The following CHD7 variants were observed in gnomAD, a reference collection of about 807,000 sequenced individuals.
The protein encoded by CHD7 is chromodomain helicase DNA binding protein 7.
In CHD7, 24 loss-of-function variants were observed where a neutral mutation model predicts 307.3. The observed-to-expected ratio is 0.08, with a 90% CI of 0.06 to 0.11. The LOEUF is 0.11. Ranked by LOEUF, CHD7 falls within the 10% of genes least tolerant of loss-of-function variation. CHD7 has a pLI of 1.00. For synonymous variants in CHD7, 1,363 were observed against 1,349.9 expected, an observed-to-expected ratio of 1.01 and a Z score of -0.21; for missense variants, 3,106 against 3,727.1, an observed-to-expected ratio of 0.83 and a Z score of 4.34.
chr8:60,801,158 A>G (rs1408022532), intron 5 of CHD7, among the ~76,000 whole-genome samples: 1 of 152,214 alleles, frequency 6.6e-6, no homozygotes, highest in Non-Finnish European at 1.5e-5. Context: ...AAAGATGCCT[A>G]CTATAGCAGA....
chr8:60,777,169 T>A (rs1810991966), intron 2 of CHD7, among the ~76,000 whole-genome samples: 1 of 152,244 alleles, frequency 6.6e-6, no homozygotes, highest in Admixed American at 6.5e-5. Context: ...GGTACCATCT[T>A]TTCTTTTCCT....
chr8:60,772,705 C>T (rs1197106766), intron 2 of CHD7, among the ~76,000 whole-genome samples: 1 of 152,044 alleles, frequency 6.6e-6, no homozygotes, highest in African/African-American at 2.4e-5. Flanking sequence ...AAGGTGAGCC[C>T]ACTAAGGGAA....
chr8:60,852,240 C>T lies in CHD7; in HGVS notation c.5887C>T (p.Arg1963Trp), dbSNP rs370280397. 6.2e-6 allele frequency: 10 copies of T among 1,611,678 alleles called. No individual in the cohort carries two copies. The highest frequency in any genetic ancestry group is 2.7e-5 in the African/African-American group (2 of 74,778). The change falls in exon 29 of 38, where the codon CGG becomes TGG. Residue 1963 changes from arginine (R) to tryptophan (W), a missense_variant. Arg to Trp is a moderately radical substitution (Grantham distance 101). Transcript: ENST00000423902. ...AAGGGAAGCTATTATATCTGAGAAGCGGCAAAAGTGAGTTTCTTCAAGGTT... is the reference window on the plus strand; with the variant it reads ...AAGGGAAGCTATTATATCTGAGAAGTGGCAAAAGTGAGTTTCTTCAAGGTT... The part of the protein sequence containing the change: ...AEREAIISEK[R>W]QKWTRREEAD...
chr8:60,762,138 A>G (rs1214412469), intron 2 of CHD7, among the ~76,000 whole-genome samples: 1 of 152,154 alleles, frequency 6.6e-6, no homozygotes, highest in East Asian at 1.9e-4. Context: ...CTGTCTGTGT[A>G]GGTCCTCTCA....
intron 1 of CHD7, among the ~76,000 whole-genome samples, chr8:60,726,250 C>T (rs966879703): frequency 6.6e-6 from 1 of 152,154 alleles, no homozygotes; most frequent in Non-Finnish European, 1.5e-5. Flanking sequence ...GACAGCTATA[C>T]TTAGCATATT....
Position 60,865,416 on chromosome 8 carries a change from A to G in CHD7, c.8477A>G (p.Asn2826Ser), listed in dbSNP as rs370129047. The G allele has an allele frequency of 4.6e-4, 747 of 1,613,910 alleles. 6 individuals are homozygous for G. The South Asian group carries it at 7.8e-3, about 17-fold the overall frequency. Residue 2826 changes from asparagine (N) to serine (S), a missense_variant, in exon 38 of 38, where the codon AAC (asparagine) becomes AGC (serine). By Grantham distance (46) the Asn-to-Ser change is conservative. This residue lies in a region of CHD7 where 351 missense variants were observed against 366.2 expected (regional missense o/e 0.96). Transcript: ENST00000423902. The surrounding 1 kb of genome is among the most constrained non-coding windows in gnomAD (Gnocchi z 4.3). Reference sequence around the variant, plus strand: ...AACCCTCTGTCAGCTGCTACTGGAAACACCACTACTGCTTCTAGTCAAGGA... The same window carrying G: ...AACCCTCTGTCAGCTGCTACTGGAAGCACCACTACTGCTTCTAGTCAAGGA... ...LNNPLSAATG[N>S]TTTASSQGEP...
chr8:60,849,274 G>A (rs1805349129), intron 25 of CHD7, 120 bp downstream of exon 25: 2 of 562,608 alleles, frequency 3.6e-6, no homozygotes, highest in Admixed American at 6.3e-5. Context: ...AGGACTCTTG[G>A]CGTCTACCAT....
intron 1 of CHD7, among the ~76,000 whole-genome samples, chr8:60,718,429 T>C (rs905055050): frequency 6.6e-6 from 1 of 151,730 alleles, no homozygotes; most frequent in Non-Finnish European, 1.5e-5. Context: ...GAGCCAAGAT[T>C]GTGCCATTGC....
Position 60,856,663 on chromosome 8 carries a change from T to C in CHD7, c.7383T>C (p.Leu2461=). The C allele has an allele frequency of 1.2e-6, 2 of 1,614,038 alleles. No homozygotes were observed. The highest frequency in any genetic ancestry group is 1.7e-6 in the Non-Finnish European group (2 of 1,179,896). ...ATSSTSNFSS[L]SSKFILPNVS... is the part of the protein sequence containing the mutation. ...GCTCTACCTCAAATTTTTCATCTCT[T>C]TCTTCAAAGTTTATCTTGCCTAATG... The change falls in exon 34 of 38, where the codon CTT becomes CTC. Residue 2461 remains leucine, a synonymous_variant. Coordinates refer to ENST00000423902, the MANE Select transcript of CHD7 (RefSeq NM_017780.4).
chr8:60,864,866 T>A (rs1806167423), intron 37 of CHD7, 150 bp from the exon 38 acceptor site: 6 of 782,840 alleles, frequency 7.7e-6, no homozygotes, highest in Non-Finnish European at 1.2e-5. Flanking sequence ...CAAGTTTTGC[T>A]GTCATTAAGT....
chr8:60,839,237 T>G (rs1391894452), intron 19 of CHD7, among the ~76,000 whole-genome samples: 1 of 152,258 alleles, frequency 6.6e-6, no homozygotes, highest in Non-Finnish European at 1.5e-5. Flanking sequence ...TATAATGTTT[T>G]TGAGGTTCAT....
At chr8:60,822,190 T>C (rs758834222) in intron 11 of CHD7, 45 bp downstream of exon 11, 1 of 1,518,082 alleles carries the variant, frequency 6.6e-7, no homozygotes, top group Admixed American at 2.0e-5. Flanking sequence ...TATCTGTAGT[T>C]CCTTTCCTTT....
intron 1 of CHD7, among the ~76,000 whole-genome samples, chr8:60,719,067 G>C (rs913555927): frequency 2.6e-5 from 4 of 152,192 alleles, no homozygotes; most frequent in African/African-American, 9.7e-5. Flanking sequence ...TTTGCACAAA[G>C]ATAAAATCAC....
chr8:60,858,520 A>G (rs1226832850), intron 34 of CHD7, among the ~76,000 whole-genome samples: 1 of 152,224 alleles, frequency 6.6e-6, no homozygotes, highest in Non-Finnish European at 1.5e-5. Context: ...TTCTTTCTCC[A>G]TAAACTTTAA....
chr8:60,774,240 C>T (rs1400678897), intron 2 of CHD7, among the ~76,000 whole-genome samples: 2 of 152,138 alleles, frequency 1.3e-5, no homozygotes, highest in African/African-American at 2.4e-5. Context: ...CATTTTCTAG[C>T]TGTGTAACTT....
chr8:60,837,579 T>C lies in CHD7; in HGVS notation c.4186-89T>C. 5.9e-6 allele frequency: 7 copies of C among 1,181,308 alleles called. No homozygotes were observed. In the South Asian group the frequency reaches 6.8e-5, roughly 11 times the overall value. 73.2% of individuals were successfully genotyped at this position (1,181,308 alleles called of 1,614,324 possible). ...GGCGCCACCTCCAAATACCATCACA[T>C]TGGAATGAGGGTTTCAGCATATGAA... On this transcript the variant is annotated intron_variant, in intron 17 of 37. Transcript: ENST00000423902.
At chr8:60,813,209 G>A (rs1185703286) in intron 7 of CHD7, among the ~76,000 whole-genome samples, 1 of 152,136 alleles carries the variant, frequency 6.6e-6, no homozygotes, top group Non-Finnish European at 1.5e-5. Context: ...GGTAATTGTT[G>A]TTGTGAATGA....
rs775000989 is a variant in CHD7 at position 60,821,902 on chromosome 8, C to T, written c.2810C>T (p.Ser937Phe). 2 of 1,612,508 alleles carry T rather than the reference C, an allele frequency of 1.2e-6. No homozygotes were observed. The highest frequency in any genetic ancestry group is 1.7e-5 in the Admixed American group (1 of 59,762). The change falls in exon 10 of 38, where the codon TCC (serine) becomes TTC (phenylalanine). Residue 937 changes from serine to phenylalanine, a missense_variant. Physicochemically the swap from Ser to Phe is radical, Grantham distance 155. Coordinates refer to ENST00000423902, the MANE Select transcript of CHD7 (RefSeq NM_017780.4). ...ATCGAGGAGTTTGAGAAACTAATGT[C>T]CAGGGAGCCGGAAACAGAGCGTGTG... ...AKIEEFEKLM[S>F]REPETERVER...
intron 1 of CHD7, among the ~76,000 whole-genome samples, chr8:60,711,157 C>G (rs1236689558): frequency 1.3e-5 from 2 of 152,214 alleles, no homozygotes; most frequent in Non-Finnish European, 2.9e-5. Flanking sequence ...TATTAAAAGG[C>G]TGTGACTGTC....
Sources: gnomAD v4.1 joint callset for allele counts (sites outside exome capture counted in the v4.1 genomes callset) on GRCh38, gnomAD v4.1.1 for gene constraint, gnomAD v4.1.1 regional missense constraint, Gnocchi (gnomAD v3.1) non-coding constraint, MANE v1.5 for transcripts, NCBI Gene and HGNC (gene_info 2026-07-23, HGNC 2026-07-21) for gene names.